CDH13: variants seen among roughly 807,000 people sequenced by gnomAD.
CDH13 encodes cadherin 13.
Under a neutral mutation model 63.8 loss-of-function variants are expected in CDH13, and 24 were observed. That is an observed-to-expected ratio of 0.38 (90% confidence interval 0.27 to 0.53). CDH13 has a LOEUF of 0.53. Ranked by LOEUF, CDH13 falls within the 20% of genes least tolerant of loss-of-function variation. CDH13 has a pLI of 0.85. For synonymous variants in CDH13, 503 were observed against 355.3 expected, an observed-to-expected ratio of 1.42 and a Z score of -4.67; for missense variants, 1,049 against 903.1, an observed-to-expected ratio of 1.16 and a Z score of -2.07.
Position 83,171,576 on chromosome 16 carries a change from A to G in CDH13, c.484-45769A>G, listed in dbSNP as rs1238172676. Reference sequence around the variant, plus strand: ...ACGATGGCTGACATGAGATAAGTGCACAGGAAATTTTGAAATATCTGTGTC... The same window carrying G: ...ACGATGGCTGACATGAGATAAGTGCGCAGGAAATTTTGAAATATCTGTGTC... On this transcript the variant is annotated intron_variant, in intron 4 of 13. Coordinates refer to ENST00000567109, the MANE Select transcript of CDH13 (RefSeq NM_001257.5). 2.0e-6 allele frequency: 3 copies of G among 1,532,288 alleles called. No homozygotes were observed. The South Asian group carries it at 3.6e-5, about 18-fold the overall frequency. The allele number at this position is 1,532,288 out of a possible 1,614,324, so 94.9% of individuals were successfully genotyped here.
intron 2 of CDH13, among the ~76,000 whole-genome samples, chr16:82,900,681 G>C (rs146663398): frequency 6.6e-6 from 1 of 152,216 alleles, no homozygotes; most frequent in African/African-American, 2.4e-5. Flanking sequence ...CCGAGGAGAC[G>C]GGAGGGATGA....
At chr16:83,219,462 G>T (rs949273674) in intron 5 of CDH13, among the ~76,000 whole-genome samples, 5 of 152,082 alleles carry the variant, frequency 3.3e-5, no homozygotes, top group African/African-American at 1.2e-4. Context: ...CCTGGAAAAT[G>T]GGAAAAATAA....
At chr16:82,857,813 T>C (rs1002943447) in intron 1 of CDH13, among the ~76,000 whole-genome samples, 1 of 152,152 alleles carries the variant, frequency 6.6e-6, no homozygotes, top group African/African-American at 2.4e-5. Context: ...ATCCAGTGTG[T>C]ATTTTATACT....
chr16:83,754,999 G>A (rs964085466), intron 11 of CDH13, among the ~76,000 whole-genome samples: 1 of 152,060 alleles, frequency 6.6e-6, no homozygotes, highest in African/African-American at 2.4e-5. Flanking sequence ...GAATGTGTAA[G>A]TGATGAACAA....
intron 2 of CDH13, among the ~76,000 whole-genome samples, chr16:82,870,254 T>C (rs1256988825): frequency 6.6e-6 from 1 of 152,096 alleles, no homozygotes; most frequent in Admixed American, 6.6e-5. Context: ...CAAAAAAATG[T>C]ATATATAAAC....
At chr16:83,778,929 TC>T (rs1482755783) in intron 11 of CDH13, among the ~76,000 whole-genome samples, 19 of 152,154 alleles carry the variant, frequency 1.2e-4, no homozygotes, top group African/African-American at 4.1e-4. Context: ...GACTCCGTCC[TC>T]CCCCTGCCAC....
chr16:83,652,379 C>T (rs1450657673), intron 8 of CDH13, among the ~76,000 whole-genome samples: 1 of 152,190 alleles, frequency 6.6e-6, no homozygotes. Flanking sequence ...CTCCCTACAG[C>T]TCTGGAGATT....
chr16:83,477,040 A>G (rs1047437881), intron 6 of CDH13, among the ~76,000 whole-genome samples: 1 of 152,220 alleles, frequency 6.6e-6, no homozygotes, highest in Non-Finnish European at 1.5e-5. Flanking sequence ...ATGATGGGGG[A>G]CCCCAGTTTT....
intron 2 of CDH13, among the ~76,000 whole-genome samples, chr16:82,936,451 C>G (rs564535394): frequency 6.6e-6 from 1 of 151,916 alleles, no homozygotes; most frequent in Non-Finnish European, 1.5e-5. Context: ...AGTTTCAACC[C>G]GAATCCACCC....
intron 3 of CDH13, among the ~76,000 whole-genome samples, chr16:83,061,065 T>G (rs7204370): frequency 6.6e-6 from 1 of 152,102 alleles, no homozygotes; most frequent in African/African-American, 2.4e-5. Flanking sequence ...ATACGGGGAC[T>G]AAGGTATTGC....
intron 3 of CDH13, among the ~76,000 whole-genome samples, chr16:83,049,767 T>A (rs752806396): frequency 6.6e-6 from 1 of 152,198 alleles, no homozygotes; most frequent in Non-Finnish European, 1.5e-5. Context: ...TGATGGCCAT[T>A]TGGGCTTTTT....
chr16:83,606,754 A>C (rs1223314343), intron 8 of CDH13, among the ~76,000 whole-genome samples: 1 of 148,400 alleles, frequency 6.7e-6, no homozygotes, highest in Non-Finnish European at 1.5e-5. Context: ...TTGCAGGTAG[A>C]CAGACCCAGG....
At chr16:83,117,030 T>C (rs1313882885) in intron 3 of CDH13, among the ~76,000 whole-genome samples, 1 of 152,222 alleles carries the variant, frequency 6.6e-6, no homozygotes, top group Non-Finnish European at 1.5e-5. Flanking sequence ...ACAGTGAATG[T>C]AGCTTGTTAT....
chr16:83,057,966 T>C (rs2031119868), intron 3 of CDH13, among the ~76,000 whole-genome samples: 1 of 152,154 alleles, frequency 6.6e-6, no homozygotes, highest in South Asian at 2.1e-4. Flanking sequence ...ACAAATGATA[T>C]TTTTTAAAAA....
chr16:82,999,735 G>A (rs1293439331), intron 2 of CDH13, among the ~76,000 whole-genome samples: 1 of 152,122 alleles, frequency 6.6e-6, no homozygotes, highest in Non-Finnish European at 1.5e-5. Context: ...GAAGGGCAAG[G>A]ACCCCTCTCC....
chr16:83,308,578 T>TA (rs2089931448), intron 5 of CDH13, among the ~76,000 whole-genome samples: 1 of 152,224 alleles, frequency 6.6e-6, no homozygotes, highest in African/African-American at 2.4e-5. Flanking sequence ...CTATTATTTT[T>TA]AAAAGGCTTT....
chr16:82,808,871 T>G (rs1327445865), intron 1 of CDH13, among the ~76,000 whole-genome samples: 1 of 152,188 alleles, frequency 6.6e-6, no homozygotes, highest in Non-Finnish European at 1.5e-5. Flanking sequence ...TTTACTATTG[T>G]TTTTCATGAT....
At chr16:83,105,925 A>T (rs1340766726) in intron 3 of CDH13, among the ~76,000 whole-genome samples, 2 of 152,226 alleles carry the variant, frequency 1.3e-5, no homozygotes, top group African/African-American at 4.8e-5. Context: ...GCATGAAGTC[A>T]TGAGACAGTG....
intron 3 of CDH13, among the ~76,000 whole-genome samples, chr16:83,055,494 A>T (rs1366917910): frequency 2.0e-5 from 3 of 152,102 alleles, no homozygotes; most frequent in Non-Finnish European, 4.4e-5. Context: ...TATAAAAATT[A>T]ATTTGAAAAT....
Sources: allele counts gnomAD v4.1 joint callset (sites outside exome capture counted in the v4.1 genomes callset), GRCh38; gene constraint gnomAD v4.1.1; transcripts MANE v1.5; gene names NCBI Gene and HGNC (gene_info 2026-07-23, HGNC 2026-07-21).